The following GABRB3 variants were observed in gnomAD, a reference collection of about 807,000 sequenced individuals.
GABRB3 encodes the protein gamma-aminobutyric acid type A receptor subunit beta3.
Under a neutral mutation model 52.1 loss-of-function variants are expected in GABRB3, and 14 were observed. The observed-to-expected ratio is 0.27, with a 90% CI of 0.18 to 0.42. The LOEUF is 0.42. GABRB3 is among the 10% of genes least tolerant of loss of function. The pLI is 1.00. For synonymous variants in GABRB3, 260 were observed against 232.3 expected (o/e 1.12, Z -1.08); for missense variants, 307 against 609.1 (o/e 0.50, Z 5.22).
intron 6 of GABRB3, among the ~76,000 whole-genome samples, chr15:26,578,440 T>C (rs1890670660): frequency 2.0e-5 from 3 of 152,216 alleles, no homozygotes; most frequent in Admixed American, 6.5e-5. Flanking sequence ...TTCTGCCACA[T>C]ACCTGTAGTG....
At chr15:26,742,479 T>C (rs1890234784) in intron 3 of GABRB3, among the ~76,000 whole-genome samples, 1 of 152,074 alleles carries the variant, frequency 6.6e-6, no homozygotes, top group Non-Finnish European at 1.5e-5. Context: ...CCTTTTAAAA[T>C]GCGCAAGCTT....
chr15:26,664,750 G>A (rs1270413427), intron 3 of GABRB3, among the ~76,000 whole-genome samples: 1 of 135,700 alleles, frequency 7.4e-6, no homozygotes, highest in Non-Finnish European at 1.5e-5. Context: ...TGTTGCTCAG[G>A]CTGGAGTGCA....
At chr15:26,560,389 T>C (rs116653798) in intron 8 of GABRB3, among the ~76,000 whole-genome samples, 25 of 152,158 alleles carry the variant, frequency 1.6e-4, no homozygotes, top group Admixed American at 1.4e-3. Context: ...CCCTCTCCCT[T>C]GTGTTCAACA....
chr15:26,649,774 G>A (rs17117193), intron 3 of GABRB3, among the ~76,000 whole-genome samples: 54,187 of 150,732 alleles, frequency 0.36, 10,976 homozygotes, highest in East Asian at 0.83. Context: ...ATAGATGGTA[G>A]CTATGGAAAC....
chr15:26,588,153 T>G (rs1891065455), intron 4 of GABRB3, among the ~76,000 whole-genome samples: 1 of 152,122 alleles, frequency 6.6e-6, no homozygotes, highest in East Asian at 1.9e-4. Flanking sequence ...TTCTTTACAG[T>G]CATACTTTGA....
chr15:26,688,061 T>C (rs982041842), intron 3 of GABRB3, among the ~76,000 whole-genome samples: 1 of 152,168 alleles, frequency 6.6e-6, no homozygotes, highest in Non-Finnish European at 1.5e-5. Context: ...ATTAGAAAGT[T>C]TTCTTCATTT....
At chr15:26,575,053 T>C (rs569775796) in intron 6 of GABRB3, among the ~76,000 whole-genome samples, 7 of 152,232 alleles carry the variant, frequency 4.6e-5, no homozygotes, top group African/African-American at 9.6e-5. Context: ...ACTTTGGTGC[T>C]TTCTCTGTTC....
chr15:26,686,117 A>AT (rs1320032503), intron 3 of GABRB3, among the ~76,000 whole-genome samples: 3 of 151,428 alleles, frequency 2.0e-5, no homozygotes. Flanking sequence ...TAATTTTTTT[A>AT]TTTTTTGTAG....
intron 3 of GABRB3, among the ~76,000 whole-genome samples, chr15:26,678,513 A>C (rs1156741171): frequency 6.6e-6 from 1 of 152,144 alleles, no homozygotes. Context: ...AAAGAGAAAG[A>C]AAGCCAGAGG....
chr15:26,655,257 TTAA>T (rs2140598011), intron 3 of GABRB3, among the ~76,000 whole-genome samples: 1 of 152,332 alleles, frequency 6.6e-6, no homozygotes, highest in South Asian at 2.1e-4. Flanking sequence ...TCAAAATCCT[TTAA>T]TAATCACTTT....
chr15:26,675,513 T>C (rs1054440026), intron 3 of GABRB3, among the ~76,000 whole-genome samples: 3 of 152,120 alleles, frequency 2.0e-5, no homozygotes, highest in Non-Finnish European at 4.4e-5. Flanking sequence ...ACTCATGACA[T>C]TTGTTCAAGA....
intron 3 of GABRB3, among the ~76,000 whole-genome samples, chr15:26,699,556 T>C (rs566504636): frequency 2.0e-5 from 3 of 151,644 alleles, no homozygotes; most frequent in African/African-American, 7.2e-5. Flanking sequence ...AAAGTTATTA[T>C]AAGTCTATTC....
intron 8 of GABRB3, among the ~76,000 whole-genome samples, chr15:26,550,274 C>A (rs985879417): frequency 2.0e-5 from 3 of 152,054 alleles, no homozygotes; most frequent in Non-Finnish European, 2.9e-5. Context: ...CTGATAGGAG[C>A]AAAGATGGGC....
intron 3 of GABRB3, among the ~76,000 whole-genome samples, chr15:26,713,154 T>C (rs1040206291): frequency 1.3e-5 from 2 of 152,114 alleles, no homozygotes; most frequent in East Asian, 1.9e-4. Context: ...GACTCTGGTT[T>C]GGGCAACCAG....
chr15:26,583,101 G>A (rs561907510), intron 5 of GABRB3, among the ~76,000 whole-genome samples: 31 of 152,198 alleles, frequency 2.0e-4, no homozygotes, highest in South Asian at 8.3e-4. Flanking sequence ...ACCGAAATGA[G>A]GGGCATTTGT....
intron 3 of GABRB3, among the ~76,000 whole-genome samples, chr15:26,644,538 C>T (rs1893298342): frequency 6.6e-6 from 1 of 152,324 alleles, no homozygotes; most frequent in South Asian, 2.1e-4. Context: ...AGGACTGGGG[C>T]AGATTCTCCT....
At chr15:26,645,599 T>C (rs1333124091) in intron 3 of GABRB3, among the ~76,000 whole-genome samples, 2 of 151,968 alleles carry the variant, frequency 1.3e-5, no homozygotes, top group Admixed American at 1.3e-4. Context: ...AATGGTGGAG[T>C]CCAACTTGTC....
chr15:26,769,260 T>G (rs1170205051), intron 3 of GABRB3, among the ~76,000 whole-genome samples: 1 of 151,628 alleles, frequency 6.6e-6, no homozygotes, highest in Non-Finnish European at 1.5e-5. Context: ...TTTATTTCAC[T>G]ACATACACGT....
At chr15:26,642,004 C>A (rs181312966) in intron 3 of GABRB3, among the ~76,000 whole-genome samples, 133 of 152,130 alleles carry the variant, frequency 8.7e-4, no homozygotes, top group Non-Finnish European at 1.5e-3. Context: ...ATCCTCCCAA[C>A]TCAGCCTCTC....
Sources: allele counts gnomAD v4.1 joint callset (sites outside exome capture counted in the v4.1 genomes callset), GRCh38; gene constraint gnomAD v4.1.1; transcripts MANE v1.5; gene names NCBI Gene and HGNC (gene_info 2026-07-23, HGNC 2026-07-21).